The following EML5 variants were observed in gnomAD, a reference collection of about 807,000 sequenced individuals.
EML5 encodes the protein EMAP like 5.
In EML5, 120 loss-of-function variants were observed where a neutral mutation model predicts 250.0. The observed-to-expected ratio is 0.48, with a 90% CI of 0.41 to 0.56. The LOEUF is 0.56. EML5 is among the 20% of genes least tolerant of loss of function. The pLI, the probability that EML5 is intolerant of heterozygous loss-of-function variation, is 0.00. For missense variants in EML5, 2,006 were observed against 2,437.6 expected (o/e 0.82, Z 3.73); for synonymous variants, 771 against 806.5 (o/e 0.96, Z 0.75).
intron 2 of EML5, among the ~76,000 whole-genome samples, chr14:88,753,354 T>G (rs2094122643): frequency 6.6e-6 from 1 of 152,196 alleles, no homozygotes; most frequent in South Asian, 2.1e-4. Flanking sequence ...TAACCTATGC[T>G]ACTCAAAGAA....
At chr14:88,631,698 A>G (rs1415009055) in intron 33 of EML5, among the ~76,000 whole-genome samples, 1 of 152,152 alleles carries the variant, frequency 6.6e-6, no homozygotes, top group Non-Finnish European at 1.5e-5. Context: ...TGAACCCGGG[A>G]GGCAGAGGTT....
At chr14:88,715,836 T>C (rs2093483142) in intron 8 of EML5, among the ~76,000 whole-genome samples, 2 of 152,078 alleles carry the variant, frequency 1.3e-5, no homozygotes, top group South Asian at 4.2e-4. Context: ...CTAATCTTTT[T>C]GACGTTTTTA....
At chr14:88,755,250 A>C (rs1385222671) in intron 1 of EML5, among the ~76,000 whole-genome samples, 6 of 152,378 alleles carry the variant, frequency 3.9e-5, no homozygotes. Flanking sequence ...TCTCAAGAAA[A>C]GAACTCTCAC....
chr14:88,766,080 T>C (rs1341884151), intron 1 of EML5, among the ~76,000 whole-genome samples: 5 of 152,252 alleles, frequency 3.3e-5, no homozygotes, highest in African/African-American at 1.2e-4. Context: ...TGCGATTTCC[T>C]ATGCCTGTCT....
chr14:88,634,003 T>C (rs1038918161), intron 33 of EML5, among the ~76,000 whole-genome samples: 2 of 152,194 alleles, frequency 1.3e-5, no homozygotes, highest in Non-Finnish European at 2.9e-5. Flanking sequence ...AAGTTTTTTA[T>C]AGAGTAACAA....
chr14:88,751,785 G>C (rs1254360736), intron 2 of EML5, among the ~76,000 whole-genome samples: 1 of 152,138 alleles, frequency 6.6e-6, no homozygotes, highest in African/African-American at 2.4e-5. Context: ...AAAATAATCA[G>C]AGAGGGAGAA....
At chr14:88,731,110 T>C (rs148669342) in intron 7 of EML5, among the ~76,000 whole-genome samples, 86 of 152,274 alleles carry the variant, frequency 5.6e-4, no homozygotes, top group African/African-American at 2.0e-3. Context: ...AGGGTACATG[T>C]GTACAATGTG....
Position 88,614,050 on chromosome 14 carries a change from A to G in EML5, c.*1768T>C, listed in dbSNP as rs139677260. 1 of 152,350 alleles carries G rather than the reference A, an allele frequency of 6.6e-6. No homozygotes were observed. Among genetic ancestry groups the G allele is most frequent in the Non-Finnish European group, 1.5e-5 (1 of 68,038 alleles). The allele number at this position is 152,350 out of a possible 1,614,324, so 9.4% of individuals were successfully genotyped here. A position where few individuals can be genotyped will look rare whatever the true frequency, so the allele number is the denominator to read the frequency against. On this transcript the variant is annotated 3_prime_UTR_variant, in exon 44 of 44. Coordinates refer to ENST00000554922, the MANE Select transcript of EML5 (RefSeq NM_183387.3). Reference sequence around the variant, plus strand: ...AACAGTTTTATTCTATGTAGTTTACATGCTTAAGGTTACAGAGTTTCTACC... The same window carrying G: ...AACAGTTTTATTCTATGTAGTTTACGTGCTTAAGGTTACAGAGTTTCTACC...
At chr14:88,616,341 G>A in intron 42 of EML5, 99 bp from the exon 43 acceptor site, 2 of 1,183,350 alleles carry the variant, frequency 1.7e-6, no homozygotes, top group East Asian at 4.7e-5. Context: ...GCTGTGGAGA[G>A]AGTAGGGAGT....
chr14:88,742,998 A>G (rs1358092091), intron 4 of EML5, among the ~76,000 whole-genome samples: 1 of 152,092 alleles, frequency 6.6e-6, no homozygotes, highest in Non-Finnish European at 1.5e-5. Flanking sequence ...ATTTGTTCCA[A>G]TGATTTAAAA....
chr14:88,716,985 T>C (rs993789079), intron 8 of EML5, among the ~76,000 whole-genome samples: 1 of 152,194 alleles, frequency 6.6e-6, no homozygotes, highest in Non-Finnish European at 1.5e-5. Flanking sequence ...TGGTTTCTTT[T>C]AAGAAGCAGA....
chr14:88,627,192 G>T, intron 34 of EML5, 146 bp from the exon 35 acceptor site: 1 of 700,596 alleles, frequency 1.4e-6, no homozygotes, highest in Non-Finnish European at 2.4e-6. Flanking sequence ...AGCAATACAT[G>T]ATTTACAATT....
Position 88,746,240 on chromosome 14 carries a change from A to T in EML5, c.401T>A (p.Val134Asp), listed in dbSNP as rs1334282607. 2 of 1,613,318 alleles carry T rather than the reference A, an allele frequency of 1.2e-6. No homozygotes were observed. Among genetic ancestry groups the T allele is most frequent in the Non-Finnish European group, 1.7e-6 (2 of 1,179,590 alleles). Residue 134 changes from valine to aspartate, a missense_variant, in exon 3 of 44, where the codon GTT becomes GAT. Val to Asp is a radical substitution (Grantham distance 152). Transcript: ENST00000554922. ...CATTTTTCCCCTTTTCCAGTCCCAA[A>T]CACAAACTGCATTCTTTGAATCAAG... is the stretch of plus-strand genomic sequence containing the variant. ...VGLDSKNAVC[V>D]WDWKRGKMLS...
intron 28 of EML5, among the ~76,000 whole-genome samples, chr14:88,649,210 A>G (rs1057463006): frequency 3.3e-5 from 5 of 151,682 alleles, no homozygotes; most frequent in Non-Finnish European, 7.4e-5. Context: ...TTTTACTTTT[A>G]TTTTTTGTAG....
At chr14:88,755,622 C>T (rs2094148722) in intron 1 of EML5, among the ~76,000 whole-genome samples, 3 of 151,894 alleles carry the variant, frequency 2.0e-5, no homozygotes, top group Admixed American at 6.6e-5. Context: ...ATCATATTTG[C>T]CCTTGAGATG....
chr14:88,647,687 C>CAAAAAAAA (rs34191990), intron 28 of EML5, among the ~76,000 whole-genome samples: 15 of 48,750 alleles, frequency 3.1e-4, no homozygotes, highest in African/African-American at 8.1e-4. Context: ...GAGACCGTCT[C>CAAAAAAAA]AAAAAAAAAA....
chr14:88,674,359 T>A lies in EML5; in HGVS notation c.3124+7531A>T, dbSNP rs2092545589. Among the ~76,000 whole-genome samples the A allele has an allele frequency of 2.0e-5, 3 of 152,302 alleles. No individual in the cohort carries two copies. The South Asian group carries it at 6.2e-4, about 32-fold the overall frequency. On this transcript the variant is annotated intron_variant, in intron 21 of 43. Coordinates refer to ENST00000554922, the MANE Select transcript of EML5 (RefSeq NM_183387.3). ...TAATTGACTCACAGTTCTGTATTTCTGAGGAGGCCTCATGAAACTTACAAT... is the reference window on the plus strand; with the variant it reads ...TAATTGACTCACAGTTCTGTATTTCAGAGGAGGCCTCATGAAACTTACAAT...
chr14:88,689,420 A>C (rs2092909517), intron 17 of EML5, among the ~76,000 whole-genome samples: 1 of 152,214 alleles, frequency 6.6e-6, no homozygotes, highest in Non-Finnish European at 1.5e-5. Context: ...ACGAAATACC[A>C]ACTGAATTTT....
intron 7 of EML5, among the ~76,000 whole-genome samples, chr14:88,727,224 T>A (rs549787659): frequency 6.6e-6 from 1 of 152,184 alleles, no homozygotes; most frequent in Non-Finnish European, 1.5e-5. Flanking sequence ...ATGATGAGTA[T>A]GCACTGGTGA....
Sources: allele counts gnomAD v4.1 joint callset (sites outside exome capture counted in the v4.1 genomes callset), GRCh38; gene constraint gnomAD v4.1.1; transcripts MANE v1.5; gene names NCBI Gene and HGNC (gene_info 2026-07-23, HGNC 2026-07-21).